Variants in MBOAT2 observed in about 807,000 individuals in gnomAD.
MBOAT2 encodes the protein membrane bound glycerophospholipid O-acyltransferase 2, also known as membrane-bound glycerophospholipid O-acyltransferase 2.
A neutral mutation model predicts 63.4 loss-of-function variants in MBOAT2; 28 were observed. That is an observed-to-expected ratio of 0.44 (90% confidence interval 0.33 to 0.61). The LOEUF (loss-of-function observed/expected upper bound fraction) is 0.61, where lower values mean the gene tolerates loss of function less well. MBOAT2 is among the 20% of genes least tolerant of loss of function. The pLI, the probability that MBOAT2 is intolerant of heterozygous loss-of-function variation, is 0.03. For synonymous variants in MBOAT2, 211 were observed against 215.6 expected (o/e 0.98, Z 0.19); for missense variants, 470 against 605.8 (o/e 0.78, Z 2.35).
chr2:8,898,670 C>G (rs992228195), intron 4 of MBOAT2, among the ~76,000 whole-genome samples: 3 of 151,696 alleles, frequency 2.0e-5, no homozygotes, highest in African/African-American at 7.3e-5. Flanking sequence ...AGTGCCTGAC[C>G]AAACAGGGGA....
At chr2:8,880,254 G>A (rs1403419376) in intron 6 of MBOAT2, among the ~76,000 whole-genome samples, 1 of 151,984 alleles carries the variant, frequency 6.6e-6, no homozygotes. Flanking sequence ...GGGTGGAAGA[G>A]GTGAAAATCA....
intron 3 of MBOAT2, among the ~76,000 whole-genome samples, chr2:8,916,405 A>G (rs1165062316): frequency 2.0e-5 from 3 of 152,232 alleles, no homozygotes; most frequent in Non-Finnish European, 2.9e-5. Flanking sequence ...TATTCATTGC[A>G]TAAGAACTGT....
At chr2:8,873,336 C>T in intron 7 of MBOAT2, 36 bp from the exon 8 acceptor site, 1 of 1,591,142 alleles carries the variant, frequency 6.3e-7, no homozygotes, top group East Asian at 2.2e-5. Flanking sequence ...TCAACTTTAT[C>T]CATGCTCCTT....
At chr2:8,934,254 C>A (rs1341205171) in intron 3 of MBOAT2, among the ~76,000 whole-genome samples, 2 of 152,210 alleles carry the variant, frequency 1.3e-5, no homozygotes, top group African/African-American at 4.8e-5. Context: ...ACACCTACAA[C>A]CCCTGCTTTT....
intron 1 of MBOAT2, among the ~76,000 whole-genome samples, chr2:8,983,071 T>TAA (rs962987466): frequency 6.6e-6 from 1 of 151,970 alleles, no homozygotes; most frequent in Non-Finnish European, 1.5e-5. Context: ...CTGAAGTGTG[T>TAA]AAAGCCACAG....
chr2:8,927,073 A>T (rs1260802535), intron 3 of MBOAT2, among the ~76,000 whole-genome samples: 1 of 152,182 alleles, frequency 6.6e-6, no homozygotes, highest in African/African-American at 2.4e-5. Flanking sequence ...TAGAGAGAGA[A>T]AGCATAAGCA....
intron 1 of MBOAT2, among the ~76,000 whole-genome samples, chr2:8,975,771 A>G (rs1025281261): frequency 6.6e-6 from 1 of 151,398 alleles, no homozygotes; most frequent in African/African-American, 2.4e-5. Context: ...ACAGGCCAGT[A>G]AAAGAGGACA....
intron 3 of MBOAT2, among the ~76,000 whole-genome samples, chr2:8,916,369 T>C (rs750287172): frequency 4.6e-5 from 7 of 152,258 alleles, no homozygotes; most frequent in Admixed American, 6.5e-5. Context: ...ACAGCTTCTG[T>C]AGAGTTCTAG....
chr2:8,884,434 A>G (rs1006356895), intron 5 of MBOAT2, among the ~76,000 whole-genome samples: 2 of 151,688 alleles, frequency 1.3e-5, no homozygotes, highest in Non-Finnish European at 2.9e-5. Context: ...CCTACTTGTG[A>G]CAATTCTACT....
At chr2:8,865,902 T>C (rs1251242676) in intron 9 of MBOAT2, among the ~76,000 whole-genome samples, 1 of 152,140 alleles carries the variant, frequency 6.6e-6, no homozygotes, top group Admixed American at 6.5e-5. Flanking sequence ...CCGGGCGTGG[T>C]GGCAGGCACC....
At chr2:8,887,735 A>C (rs1342524669) in intron 5 of MBOAT2, among the ~76,000 whole-genome samples, 1 of 152,210 alleles carries the variant, frequency 6.6e-6, no homozygotes, top group Non-Finnish European at 1.5e-5. Context: ...ATCTAGACCA[A>C]ATGTCTCTTT....
chr2:8,950,011 C>T (rs1352727400), intron 2 of MBOAT2, among the ~76,000 whole-genome samples: 1 of 152,122 alleles, frequency 6.6e-6, no homozygotes, highest in Non-Finnish European at 1.5e-5. Context: ...TGTTTTGAAG[C>T]TCTCCTTGTA....
chr2:8,916,782 A>T (rs750078834), intron 3 of MBOAT2, among the ~76,000 whole-genome samples: 21 of 152,236 alleles, frequency 1.4e-4, no homozygotes, highest in Non-Finnish European at 2.5e-4. Context: ...TAACTTTTTT[A>T]TCTCTATTCT....
chr2:8,876,074 T>G (rs528036947), intron 7 of MBOAT2, among the ~76,000 whole-genome samples: 2 of 152,178 alleles, frequency 1.3e-5, no homozygotes, highest in Non-Finnish European at 2.9e-5. Flanking sequence ...TCTCACAGAC[T>G]TCCTGATTGG....
chr2:8,907,370 A>G (rs2148586259), intron 4 of MBOAT2, among the ~76,000 whole-genome samples: 1 of 152,376 alleles, frequency 6.6e-6, no homozygotes, highest in East Asian at 1.9e-4. Context: ...GAACAAGACC[A>G]ATATAGGTGC....
At chr2:8,970,847 C>T (rs1429250225) in intron 1 of MBOAT2, among the ~76,000 whole-genome samples, 4 of 152,128 alleles carry the variant, frequency 2.6e-5, no homozygotes, top group Non-Finnish European at 5.9e-5. Flanking sequence ...CTGAATAGAC[C>T]AATAACAGGT....
intron 9 of MBOAT2, among the ~76,000 whole-genome samples, chr2:8,867,812 A>G (rs1662011781): frequency 6.6e-6 from 1 of 152,240 alleles, no homozygotes; most frequent in South Asian, 2.1e-4. Context: ...CTGCCTCTTG[A>G]GGGAAATACA....
At chr2:8,986,006 TGATCAAATTAACATCAAGA>T (rs1211504204) in intron 1 of MBOAT2, among the ~76,000 whole-genome samples, 1 of 151,996 alleles carries the variant, frequency 6.6e-6, no homozygotes, top group Non-Finnish European at 1.5e-5. Context: ...CTCAGCCAGG[TGATCAAATTAACATCAAGA>T]GTGATCAGTC....
At chr2:8,940,556 G>A (rs921134995) in intron 3 of MBOAT2, among the ~76,000 whole-genome samples, 1 of 152,168 alleles carries the variant, frequency 6.6e-6, no homozygotes, top group African/African-American at 2.4e-5. Flanking sequence ...GCCTCCCTAA[G>A]AGCTGGGATT....
Sources: gnomAD v4.1 joint callset for allele counts (sites outside exome capture counted in the v4.1 genomes callset) on GRCh38, gnomAD v4.1.1 for gene constraint, MANE v1.5 for transcripts, NCBI Gene and HGNC (gene_info 2026-07-23, HGNC 2026-07-21) for gene names.